The following MACROD2 variants were observed in gnomAD, a reference collection of about 807,000 sequenced individuals.
The protein encoded by MACROD2 is mono-ADP ribosylhydrolase 2, also known as ADP-ribose glycohydrolase MACROD2.
A neutral mutation model predicts 70.4 loss-of-function variants in MACROD2; 36 were observed. The observed-to-expected ratio is 0.51, with a 90% CI of 0.39 to 0.68. The LOEUF (loss-of-function observed/expected upper bound fraction) is 0.68. Among genes scored for constraint, MACROD2 ranks in the 30% least tolerant of loss-of-function variants. MACROD2 has a pLI of 0.00. For synonymous variants in MACROD2, 172 were observed against 178.8 expected (o/e 0.96, Z 0.30); for missense variants, 496 against 538.4 (o/e 0.92, Z 0.78).
At chr20:14,082,975 C>T (rs2054018965) in intron 2 of MACROD2, among the ~76,000 whole-genome samples, 1 of 151,810 alleles carries the variant, frequency 6.6e-6, no homozygotes, top group Non-Finnish European at 1.5e-5. Flanking sequence ...TTGATAACAG[C>T]ACAAACAAAA....
chr20:15,998,325 G>T (rs899527702), intron 15 of MACROD2, among the ~76,000 whole-genome samples: 2 of 152,058 alleles, frequency 1.3e-5, no homozygotes, highest in Non-Finnish European at 2.9e-5. Context: ...TTCTTTATTG[G>T]GAGGTTTTCG....
intron 3 of MACROD2, among the ~76,000 whole-genome samples, chr20:14,414,923 C>CTT (rs1568601484): frequency 7.5e-6 from 1 of 132,556 alleles, no homozygotes. Context: ...TTCTCACCTG[C>CTT]TTTATGTTTT....
intron 4 of MACROD2, among the ~76,000 whole-genome samples, chr20:14,665,743 C>A (rs1256603485): frequency 6.6e-6 from 1 of 151,968 alleles, no homozygotes; most frequent in Non-Finnish European, 1.5e-5. Flanking sequence ...TTACATATAT[C>A]CATCCTTTAG....
intron 15 of MACROD2, among the ~76,000 whole-genome samples, chr20:15,991,732 T>A (rs1290149361): frequency 1.3e-5 from 2 of 152,204 alleles, no homozygotes; most frequent in African/African-American, 4.8e-5. Flanking sequence ...AGCAGCACAA[T>A]CATTTAGTTT....
At chr20:14,215,038 A>G (rs559480313) in intron 3 of MACROD2, among the ~76,000 whole-genome samples, 186 of 149,568 alleles carry the variant, frequency 1.2e-3, no homozygotes, top group African/African-American at 4.1e-3. Flanking sequence ...GTGTACATAT[A>G]TTCCATCATA....
At chr20:14,616,171 G>C (rs771290320) in intron 4 of MACROD2, among the ~76,000 whole-genome samples, 1 of 152,124 alleles carries the variant, frequency 6.6e-6, no homozygotes, top group East Asian at 1.9e-4. Flanking sequence ...ATTCTGTCAT[G>C]GCCATATAAA....
At chr20:15,454,919 G>A (rs6079836) in intron 7 of MACROD2, among the ~76,000 whole-genome samples, 31,250 of 151,942 alleles carry the variant, frequency 0.21, 4,158 homozygotes, top group East Asian at 0.66. Context: ...ACCACGTTGT[G>A]CCTTTTGCCT....
At chr20:14,586,527 T>G (rs1981391160) in intron 4 of MACROD2, among the ~76,000 whole-genome samples, 1 of 152,062 alleles carries the variant, frequency 6.6e-6, no homozygotes, top group South Asian at 2.1e-4. Context: ...GAGAAATGGT[T>G]ATTTAGAACT....
At chr20:15,202,760 A>G (rs2076667656) in intron 5 of MACROD2, among the ~76,000 whole-genome samples, 1 of 152,292 alleles carries the variant, frequency 6.6e-6, no homozygotes, top group South Asian at 2.1e-4. Context: ...TATCTACCTC[A>G]TGACCCAAGA....
intron 3 of MACROD2, among the ~76,000 whole-genome samples, chr20:14,086,615 T>TC (rs1342907506): frequency 6.6e-6 from 1 of 152,204 alleles, no homozygotes; most frequent in Non-Finnish European, 1.5e-5. Context: ...GAGGGGTTAC[T>TC]CACCTTCCAT....
At chr20:15,686,367 G>T (rs1418835389) in intron 8 of MACROD2, among the ~76,000 whole-genome samples, 2 of 152,116 alleles carry the variant, frequency 1.3e-5, no homozygotes, top group African/African-American at 2.4e-5. Flanking sequence ...TTGTATAAAA[G>T]ATTTGAAAAT....
intron 1 of MACROD2, among the ~76,000 whole-genome samples, chr20:13,997,062 G>A (rs1338955481): frequency 6.6e-6 from 1 of 152,074 alleles, no homozygotes; most frequent in Non-Finnish European, 1.5e-5. Context: ...CACAATGCAC[G>A]AACAAAGGCG....
At chr20:14,902,994 G>A (rs955644477) in intron 5 of MACROD2, among the ~76,000 whole-genome samples, 4 of 150,356 alleles carry the variant, frequency 2.7e-5, no homozygotes, top group Non-Finnish European at 3.0e-5. Context: ...AGTAAAAGAA[G>A]TACGTCAGGG....
chr20:15,229,563 T>A (rs545440772), intron 5 of MACROD2, among the ~76,000 whole-genome samples: 5 of 152,356 alleles, frequency 3.3e-5, no homozygotes, highest in African/African-American at 1.2e-4. Context: ...AATCCAGATG[T>A]TCCTTTTGCA....
intron 5 of MACROD2, among the ~76,000 whole-genome samples, chr20:15,217,614 G>A (rs1288730733): frequency 7.3e-5 from 11 of 151,620 alleles, no homozygotes; most frequent in South Asian, 2.1e-4. Context: ...TTTTACTGCC[G>A]CTAATTTCTT....
chr20:15,547,232 T>C (rs890826311), intron 8 of MACROD2, among the ~76,000 whole-genome samples: 7 of 152,224 alleles, frequency 4.6e-5, no homozygotes, highest in African/African-American at 1.7e-4. Flanking sequence ...TAAATGTCAG[T>C]ACATGGTGGA....
intron 8 of MACROD2, among the ~76,000 whole-genome samples, chr20:15,846,244 T>TC (rs1045477589): frequency 6.6e-6 from 1 of 152,114 alleles, no homozygotes; most frequent in Non-Finnish European, 1.5e-5. Context: ...TGTGGAAGGG[T>TC]CCCCATTTAG....
chr20:14,876,833 T>C (rs939453652), intron 5 of MACROD2, among the ~76,000 whole-genome samples: 6 of 152,178 alleles, frequency 3.9e-5, no homozygotes, highest in African/African-American at 1.2e-4. Flanking sequence ...CATCTGTTTT[T>C]GTACCAGTAC....
At chr20:16,005,276 C>A (rs2066772725) in intron 15 of MACROD2, among the ~76,000 whole-genome samples, 1 of 152,188 alleles carries the variant, frequency 6.6e-6, no homozygotes, top group Non-Finnish European at 1.5e-5. Flanking sequence ...TGATTTAAGT[C>A]AGTTTGTCTT....
Sources: allele counts gnomAD v4.1 joint callset (sites outside exome capture counted in the v4.1 genomes callset), GRCh38; gene constraint gnomAD v4.1.1; transcripts MANE v1.5; gene names NCBI Gene and HGNC (gene_info 2026-07-23, HGNC 2026-07-21).